The following SPIDR variants were observed in gnomAD, a reference collection of about 807,000 sequenced individuals.
SPIDR encodes the protein DNA repair-scaffolding protein.
Under a neutral mutation model 104.6 loss-of-function variants are expected in SPIDR, and 93 were observed. The observed-to-expected ratio is 0.89, with a 90% CI of 0.75 to 1.06. The LOEUF (loss-of-function observed/expected upper bound fraction) is 1.06, where lower values mean the gene tolerates loss of function less well. Among genes scored for constraint, SPIDR ranks in the 50% least tolerant of loss-of-function variants. The probability of loss-of-function intolerance (pLI) is 0.00; values close to 1 mark genes in which losing one functional copy is unlikely to be tolerated. For synonymous variants in SPIDR, 431 were observed against 416.9 expected (o/e 1.03, Z -0.41); for missense variants, 1,154 against 1,111.2 (o/e 1.04, Z -0.55).
At chr8:47,335,472 TG>T (rs1364476407) in intron 5 of SPIDR, among the ~76,000 whole-genome samples, 1 of 152,172 alleles carries the variant, frequency 6.6e-6, no homozygotes, top group Non-Finnish European at 1.5e-5. Flanking sequence ...CTTTTTGAAA[TG>T]GGAGTCTCGT....
At chr8:47,426,064 G>A (rs2066357223) in intron 7 of SPIDR, among the ~76,000 whole-genome samples, 2 of 148,524 alleles carry the variant, frequency 1.3e-5, no homozygotes, top group Non-Finnish European at 3.0e-5. Context: ...CCAACATGGT[G>A]AAACCCTGCC....
At chr8:47,313,310 A>G (rs1278331610) in intron 5 of SPIDR, among the ~76,000 whole-genome samples, 6 of 152,212 alleles carry the variant, frequency 3.9e-5, no homozygotes, top group African/African-American at 1.2e-4. Flanking sequence ...TCCCATTCAC[A>G]ATTGCTTCAA....
chr8:47,479,335 G>C (rs1412665487), intron 8 of SPIDR, among the ~76,000 whole-genome samples: 3 of 151,122 alleles, frequency 2.0e-5, no homozygotes, highest in African/African-American at 7.3e-5. Context: ...CTCCAGCCTG[G>C]GCAACAGAGT....
intron 8 of SPIDR, among the ~76,000 whole-genome samples, chr8:47,558,816 A>G (rs1447400365): frequency 1.3e-5 from 2 of 151,850 alleles, no homozygotes; most frequent in Non-Finnish European, 2.9e-5. Context: ...ATTTTTTTGT[A>G]TTTTTAGTAG....
rs529356084 is a variant in SPIDR, at chr8:47,504,667, A to G, written c.1097+64125A>G. Among the ~76,000 whole-genome samples the G allele has an allele frequency of 1.2e-4, 19 of 152,194 alleles. No homozygotes were observed. The East Asian group carries it at 3.1e-3, about 25-fold the overall frequency. On this transcript the variant is annotated intron_variant, in intron 8 of 19. Coordinates refer to ENST00000297423, the MANE Select transcript of SPIDR (RefSeq NM_001080394.4). ...GTCATTCTCCGTCCAGCTTTGTTCCATTGCTGGTGAGGAGCTGTGTTCCTT... is the reference window on the plus strand; with the variant it reads ...GTCATTCTCCGTCCAGCTTTGTTCCGTTGCTGGTGAGGAGCTGTGTTCCTT...
intron 1 of SPIDR, among the ~76,000 whole-genome samples, chr8:47,266,200 G>A (rs973916883): frequency 6.6e-6 from 1 of 150,438 alleles, no homozygotes; most frequent in Non-Finnish European, 1.5e-5. Flanking sequence ...CGCGATCTCG[G>A]CTCACTGCAA....
At position 47,260,971 on chromosome 8, in the gene SPIDR, A is replaced by G; in HGVS notation, c.13A>G (p.Ser5Gly). The stretch of plus-strand genomic sequence containing the variant: ...GGCGCTCCCGGAGATGCCCCGCGGC[A>G]GCCGCGCTCGGGGCTCTAAGGTAGG... MPRG[S>G]RARGSKRKRS... The change falls in exon 1 of 20, where the codon AGC (serine) becomes GGC (glycine). Residue 5 changes from serine to glycine, a missense_variant. Coordinates refer to ENST00000297423, the MANE Select transcript of SPIDR (RefSeq NM_001080394.4). 8 of 1,230,298 alleles carry G rather than the reference A, an allele frequency of 6.5e-6. No homozygotes were observed. The highest frequency in any genetic ancestry group is 7.1e-6 in the Non-Finnish European group (7 of 986,798). The allele number at this position is 1,230,298 out of a possible 1,614,324, so 76.2% of individuals were successfully genotyped here. A position where few individuals can be genotyped will look rare whatever the true frequency, so the allele number is the denominator to read the frequency against.
chr8:47,674,668 GA>G (rs1219355513), intron 11 of SPIDR, among the ~76,000 whole-genome samples: 2 of 152,172 alleles, frequency 1.3e-5, no homozygotes, highest in Non-Finnish European at 2.9e-5. Flanking sequence ...AACAGTATCG[GA>G]AGGAGGAAAA....
chr8:47,685,536 T>C (rs1026662058), intron 11 of SPIDR, among the ~76,000 whole-genome samples: 10 of 134,150 alleles, frequency 7.5e-5, no homozygotes, highest in African/African-American at 2.5e-4. Flanking sequence ...AGACAGTCTC[T>C]CTCTGTCGCC....
Position 47,713,554 on chromosome 8 carries a change from G to T in SPIDR, c.2254G>T (p.Gly752Cys), listed in dbSNP as rs1271883359. 1 of 1,614,048 alleles carries T rather than the reference G, an allele frequency of 6.2e-7. No homozygotes were observed. The highest frequency in any genetic ancestry group is 1.7e-5 in the Admixed American group (1 of 59,994). ...GAAGCCCCTTTTGAGTGTGGTCTCT[G>T]GTGCAAGTTCCTGTGAGCTGCCTGG... Reference protein sequence around the residue: ...LQKPLLSVVSGASSCELPGPV... With the variant: ...LQKPLLSVVSCASSCELPGPV... The change falls in exon 16 of 20, where the codon GGT (glycine) becomes TGT (cysteine). Residue 752 changes from glycine (G) to cysteine (C), a missense_variant. Transcript: ENST00000297423.
At chr8:47,368,624 A>G (rs1043621937) in intron 5 of SPIDR, among the ~76,000 whole-genome samples, 12 of 152,158 alleles carry the variant, frequency 7.9e-5, no homozygotes, top group Non-Finnish European at 1.5e-4. Context: ...AGTGGTTAAC[A>G]TATGACTAAC....
chr8:47,735,750 ATTT>A lies in SPIDR; in HGVS notation c.*306_*308del. The A allele has an allele frequency of 1.7e-6, 1 of 586,512 alleles. No homozygotes were observed. The allele number at this position is 586,512 out of a possible 1,614,324, so 36.3% of individuals were successfully genotyped here. A position where few individuals can be genotyped will look rare whatever the true frequency, so the allele number is the denominator to read the frequency against. ...TATTTAGGCAATATATGAGAAAAAA[ATTT>A]TTTTTGTTCATTTGTAATTTTAACA... On this transcript the variant is annotated 3_prime_UTR_variant, in exon 20 of 20. Coordinates refer to ENST00000297423, the MANE Select transcript of SPIDR (RefSeq NM_001080394.4).
intron 6 of SPIDR, among the ~76,000 whole-genome samples, chr8:47,398,101 A>T (rs1469669791): frequency 1.3e-5 from 2 of 152,192 alleles, no homozygotes; most frequent in African/African-American, 4.8e-5. Flanking sequence ...TGTGGCCTCA[A>T]AAAAAGAATG....
chr8:47,519,104 C>A (rs2083609657), intron 8 of SPIDR, among the ~76,000 whole-genome samples: 1 of 152,080 alleles, frequency 6.6e-6, no homozygotes, highest in African/African-American at 2.4e-5. Flanking sequence ...GTGGACAGTT[C>A]TCTGACCTGG....
chr8:47,316,699 G>A (rs1554589919), intron 5 of SPIDR, among the ~76,000 whole-genome samples: 1 of 152,134 alleles, frequency 6.6e-6, no homozygotes, highest in South Asian at 2.1e-4. Context: ...TAGTGGGGTG[G>A]GGATTAATTG....
rs1478154327 is a variant in SPIDR, at chr8:47,712,599, T to C, written c.1978-63T>C. ...GTTAGTATATGTATAACTTCTGCTT[T>C]TAAATGCTTTTAAAACATTTTTTGG... On this transcript the variant is annotated intron_variant, in intron 14 of 19. Coordinates refer to ENST00000297423, the MANE Select transcript of SPIDR (RefSeq NM_001080394.4). 2.0e-6 allele frequency: 3 copies of C among 1,521,862 alleles called. No homozygotes were observed. The South Asian group carries it at 3.6e-5, about 18-fold the overall frequency. 94.3% of individuals were successfully genotyped at this position (1,521,862 alleles called of 1,614,324 possible). A position where few individuals can be genotyped will look rare whatever the true frequency, so the allele number is the denominator to read the frequency against.
intron 7 of SPIDR, among the ~76,000 whole-genome samples, chr8:47,416,151 G>A (rs1309140089): frequency 6.6e-6 from 1 of 152,206 alleles, no homozygotes; most frequent in African/African-American, 2.4e-5. Flanking sequence ...GGCTGAGGCA[G>A]AGAATTACTT....
At chr8:47,375,977 A>T (rs1001829424) in intron 5 of SPIDR, among the ~76,000 whole-genome samples, 1 of 152,196 alleles carries the variant, frequency 6.6e-6, no homozygotes, top group Admixed American at 6.5e-5. Context: ...GTTTGTTATT[A>T]ATCCCAGGAA....
At chr8:47,637,956 T>C (rs1487308773) in intron 10 of SPIDR, among the ~76,000 whole-genome samples, 1 of 152,236 alleles carries the variant, frequency 6.6e-6, no homozygotes, top group Non-Finnish European at 1.5e-5. Flanking sequence ...ACTTTTTTTT[T>C]CAATTATTTA....
Sources: allele counts gnomAD v4.1 joint callset (sites outside exome capture counted in the v4.1 genomes callset), GRCh38; gene constraint gnomAD v4.1.1; transcripts MANE v1.5; gene names NCBI Gene and HGNC (gene_info 2026-07-23, HGNC 2026-07-21).